PCLO: variants seen among roughly 807,000 people sequenced by gnomAD.
PCLO encodes piccolo presynaptic cytomatrix protein.
In PCLO, 82 loss-of-function variants were observed where a neutral mutation model predicts 427.5. The ratio of observed to expected loss-of-function variants is 0.19; its 90% CI spans 0.16 to 0.23. PCLO has a LOEUF of 0.23. Ranked by LOEUF, PCLO falls within the 10% of genes least tolerant of loss-of-function variation. PCLO has a pLI of 1.00. For missense variants in PCLO, 6,239 were observed against 6,115.9 expected (o/e 1.02, Z -0.67); for synonymous variants, 2,357 against 2,155.4 (o/e 1.09, Z -2.59).
chr7:83,035,127 A>G (rs1788762512), intron 3 of PCLO, among the ~76,000 whole-genome samples: 1 of 152,178 alleles, frequency 6.6e-6, no homozygotes, highest in Non-Finnish European at 1.5e-5. Flanking sequence ...GTCTCTAATC[A>G]TCCAGCATTC....
At chr7:83,157,314 A>C (rs1792326408) in intron 1 of PCLO, among the ~76,000 whole-genome samples, 1 of 152,172 alleles carries the variant, frequency 6.6e-6, no homozygotes, top group African/African-American at 2.4e-5. Context: ...TTATTAACCC[A>C]AAATTTTTAT....
intron 2 of PCLO, among the ~76,000 whole-genome samples, chr7:83,141,775 A>G (rs1179323801): frequency 1.3e-5 from 2 of 152,210 alleles, no homozygotes; most frequent in Non-Finnish European, 2.9e-5. Context: ...TACTACTTGA[A>G]GGTTTAATTG....
In PCLO at chr7:82,956,660, C is replaced by G; in HGVS notation, c.4293G>C (p.Lys1431Asn). Residue 1431 changes from lysine to asparagine, a missense_variant, in exon 5 of 25, where the codon AAG (lysine) becomes AAC (asparagine). This residue lies in a region of PCLO where 4,677 missense variants were observed against 4,468.4 expected (regional missense o/e 1.05). Transcript: ENST00000333891. ...CATGGGGTTGTGTTTTCTTTTCTGACTTTTCATCAGCAAGTGTACTTGCTT... is the reference window on the plus strand; with the variant it reads ...CATGGGGTTGTGTTTTCTTTTCTGAGTTTTCATCAGCAAGTGTACTTGCTT... ...EAQASTLADE[K>N]SEKKTQPHEV... The G allele has an allele frequency of 1.9e-6, 3 of 1,613,894 alleles. No homozygotes were observed. Among genetic ancestry groups the G allele is most frequent in the African/African-American group, 1.3e-5 (1 of 75,034 alleles).
chr7:82,904,987 C>G (rs891175256), intron 8 of PCLO, among the ~76,000 whole-genome samples: 2 of 152,034 alleles, frequency 1.3e-5, no homozygotes, highest in Non-Finnish European at 2.9e-5. Context: ...GATGTACGAG[C>G]TAGATGAATC....
chr7:83,155,587 G>A lies in PCLO; in HGVS notation c.1054C>T (p.Pro352Ser), dbSNP rs747070694. 1 of 1,612,210 alleles carries A rather than the reference G, an allele frequency of 6.2e-7. No homozygotes were observed. Residue 352 changes from proline to serine, a missense_variant, in exon 2 of 25, where the codon CCA (proline) becomes TCA (serine). This residue lies in a region of PCLO where 4,677 missense variants were observed against 4,468.4 expected (regional missense o/e 1.05). Coordinates refer to ENST00000333891, the MANE Select transcript of PCLO (RefSeq NM_033026.6). ...LAQQPGTVKP[P>S]VQPPGTTKPP... The stretch of plus-strand genomic sequence containing the variant: ...TTTGTTGTCCCTGGTGGCTGGACTG[G>A]GGGTTTCACTGTCCCTGGTTGTTGA...
In PCLO at chr7:82,756,767, G is replaced by A. The variant is rs1419904165; in HGVS notation, c.*1808C>T. 1 of 151,934 alleles carries A rather than the reference G, an allele frequency of 6.6e-6. No individual in the cohort carries two copies. Among genetic ancestry groups the A allele is most frequent in the African/African-American group, 2.4e-5 (1 of 41,376 alleles). The allele number at this position is 151,934 out of a possible 1,614,324, so 9.4% of individuals were successfully genotyped here. On this transcript the variant is annotated 3_prime_UTR_variant, in exon 25 of 25. Coordinates refer to ENST00000333891, the MANE Select transcript of PCLO (RefSeq NM_033026.6). The stretch of plus-strand genomic sequence containing the variant: ...CAATTTGATTTATTTCTTTTGGGTG[G>A]AATATAGGACTAGGGTAAGACCAGC...
At chr7:82,909,253 T>C (rs1040510536) in intron 7 of PCLO, among the ~76,000 whole-genome samples, 52 of 152,192 alleles carry the variant, frequency 3.4e-4, no homozygotes, top group African/African-American at 1.2e-3. Context: ...GTTCACAATC[T>C]CAGAGCAAAA....
rs542930527 is a variant in PCLO at position 83,007,994 on chromosome 7, T to A, written c.3301-41507A>T. 2.0e-5 allele frequency among the ~76,000 whole-genome samples: 3 copies of A among 151,756 alleles called. No homozygotes were observed. The East Asian group carries it at 5.8e-4, about 29-fold the overall frequency. On this transcript the variant is annotated intron_variant, in intron 3 of 24. Transcript: ENST00000333891. ...GAATGATATATAATAAAAACTGTAA[T>A]TATTACTTAAAGATTGGTTAGTATG... is the stretch of plus-strand genomic sequence containing the variant.
chr7:82,895,431 C>T (rs1793878211), intron 9 of PCLO, among the ~76,000 whole-genome samples: 1 of 151,632 alleles, frequency 6.6e-6, no homozygotes, highest in Non-Finnish European at 1.5e-5. Flanking sequence ...AAAAAGCTAA[C>T]TAACTACAAA....
At chr7:82,891,776 T>A (rs1344106963) in intron 9 of PCLO, among the ~76,000 whole-genome samples, 2 of 152,074 alleles carry the variant, frequency 1.3e-5, no homozygotes, top group Non-Finnish European at 2.9e-5. Context: ...AGGCCTTTTG[T>A]GCATCTATTG....
At chr7:82,888,525 TA>T (rs1291123488) in intron 9 of PCLO, among the ~76,000 whole-genome samples, 3 of 152,150 alleles carry the variant, frequency 2.0e-5, no homozygotes, top group Non-Finnish European at 4.4e-5. Context: ...CCAACCTATT[TA>T]TTCAAACTTC....
At chr7:82,908,127 G>A (rs914591961) in intron 8 of PCLO, among the ~76,000 whole-genome samples, 10 of 151,968 alleles carry the variant, frequency 6.6e-5, no homozygotes, top group African/African-American at 2.4e-4. Context: ...ATCTGCTAAG[G>A]CAATTGATTA....
intron 23 of PCLO, 39 bp downstream of exon 23, chr7:82,761,320 A>T: frequency 8.3e-7 from 1 of 1,211,242 alleles, no homozygotes; most frequent in Non-Finnish European, 1.1e-6. Flanking sequence ...ATCCCTAAAA[A>T]AATCTAGATA....
Position 82,951,965 on chromosome 7 carries a change from G to A in PCLO, c.8988C>T (p.Asp2996=). The A allele has an allele frequency of 6.2e-7, 1 of 1,613,868 alleles. No individual in the cohort carries two copies. The highest frequency in any genetic ancestry group is 8.5e-7 in the Non-Finnish European group (1 of 1,179,826). The change falls in exon 5 of 25, where the codon GAC becomes GAT. Residue 2996 remains aspartate (D), a synonymous_variant. Coordinates refer to ENST00000333891, the MANE Select transcript of PCLO (RefSeq NM_033026.6). The part of the protein sequence containing the change: ...GIGGMKPSMS[D]TNLAEAGHFF... ...AATGTCCAGCTTCTGCTAAATTTGT[G>A]TCAGACATGGAAGGCTTCATTCCCC...
intron 22 of PCLO, among the ~76,000 whole-genome samples, chr7:82,792,681 T>G (rs1027208405): frequency 2.0e-5 from 3 of 152,206 alleles, no homozygotes; most frequent in African/African-American, 7.2e-5. Flanking sequence ...ACATCTCACA[T>G]ATCTCAACCC....
chr7:82,802,770 T>G (rs1186621596), intron 21 of PCLO, among the ~76,000 whole-genome samples: 1 of 152,160 alleles, frequency 6.6e-6, no homozygotes, highest in Non-Finnish European at 1.5e-5. Flanking sequence ...ACCATATTTA[T>G]TTCTTAATAA....
chr7:82,968,543 TG>T (rs1795830176), intron 3 of PCLO, among the ~76,000 whole-genome samples: 1 of 135,386 alleles, frequency 7.4e-6, no homozygotes, highest in African/African-American at 2.8e-5. Context: ...TTTTTTGAGA[TG>T]GAGTCTCACT....
At chr7:82,801,466 T>C (rs530363033) in intron 22 of PCLO, 52 bp downstream of exon 22, 42 of 906,720 alleles carry the variant, frequency 4.6e-5, no homozygotes, top group South Asian at 8.0e-5. Flanking sequence ...GAAACACTTA[T>C]ACTGTAGAAT....
At chr7:82,808,639 G>A (rs1791506108) in intron 20 of PCLO, among the ~76,000 whole-genome samples, 1 of 151,744 alleles carries the variant, frequency 6.6e-6, no homozygotes, top group Non-Finnish European at 1.5e-5. Flanking sequence ...ACCAAATCCA[G>A]GGGACATTTA....
Sources: allele counts gnomAD v4.1 joint callset (sites outside exome capture counted in the v4.1 genomes callset), GRCh38; gene constraint gnomAD v4.1.1; regional missense constraint gnomAD v4.1.1; transcripts MANE v1.5; gene names NCBI Gene and HGNC (gene_info 2026-07-23, HGNC 2026-07-21).